Variants in SLC7A9 observed in about 807,000 individuals in gnomAD.
The protein encoded by SLC7A9 is B(0,+)-type amino acid transporter 1.
Under a neutral mutation model 54.1 loss-of-function variants are expected in SLC7A9, and 38 were observed. The ratio of observed to expected loss-of-function variants is 0.70; its 90% CI spans 0.54 to 0.92. SLC7A9 has a LOEUF of 0.92. SLC7A9 is among the 40% of genes least tolerant of loss of function. The pLI is 0.00. For missense variants in SLC7A9, 537 were observed against 636.1 expected, an observed-to-expected ratio of 0.84 and a Z score of 1.68; for synonymous variants, 264 against 258.9, an observed-to-expected ratio of 1.02 and a Z score of -0.19.
intron 4 of SLC7A9, among the ~76,000 whole-genome samples, chr19:32,863,278 CT>C: frequency 6.6e-6 from 1 of 151,752 alleles, no homozygotes; most frequent in African/African-American, 2.4e-5. Context: ...CACCACCCCC[CT>C]CCCCCGCCCT....
At chr19:32,863,678 C>T (rs912805326) in intron 4 of SLC7A9, among the ~76,000 whole-genome samples, 1 of 152,218 alleles carries the variant, frequency 6.6e-6, no homozygotes. Flanking sequence ...ACTCCCCCAC[C>T]AGCCACCATA....
intron 2 of SLC7A9, among the ~76,000 whole-genome samples, chr19:32,867,434 T>C (rs1052352257): frequency 6.6e-6 from 1 of 151,914 alleles, no homozygotes; most frequent in African/African-American, 2.4e-5. Context: ...GGAGGATTGC[T>C]TGAGTCCAGG....
At chr19:32,865,092 T>C (rs1273943336) in intron 2 of SLC7A9, among the ~76,000 whole-genome samples, 1 of 152,124 alleles carries the variant, frequency 6.6e-6, no homozygotes, top group South Asian at 2.1e-4. Context: ...GAAACCTGGC[T>C]CAGGTTCCAC....
intron 2 of SLC7A9, among the ~76,000 whole-genome samples, chr19:32,867,922 T>C (rs1969020250): frequency 1.9e-5 from 2 of 106,518 alleles, no homozygotes; most frequent in African/African-American, 7.5e-5. Context: ...AGAGCAAGAC[T>C]CTGTCTCAAA....
rs546138973 is a variant in SLC7A9 at position 32,868,293 on chromosome 19, C to CCAGA, written c.87+151_87+154dup. Among the ~76,000 whole-genome samples the CCAGA allele has an allele frequency of 2.2e-4, 34 of 151,516 alleles. No homozygotes were observed. In the East Asian group the frequency reaches 3.1e-3, roughly 14 times the overall value. On this transcript the variant is annotated intron_variant, in intron 2 of 12. Coordinates refer to ENST00000023064, the MANE Select transcript of SLC7A9 (RefSeq NM_014270.5). ...TGGCGAGAGGGAAAGAGAAGTAAGT[C>CCAGA]CAGAGATTATCCCTTTAAAGATGTA...
At chr19:32,841,273 C>T (rs1968119692) in intron 11 of SLC7A9, among the ~76,000 whole-genome samples, 1 of 152,086 alleles carries the variant, frequency 6.6e-6, no homozygotes, top group African/African-American at 2.4e-5. Context: ...AGCCCCTTAA[C>T]ATAACAACAA....
chr19:32,844,048 C>G (rs536550456), intron 9 of SLC7A9, 97 bp from the exon 10 acceptor site: 5 of 901,942 alleles, frequency 5.5e-6, no homozygotes, highest in Non-Finnish European at 9.1e-6. Flanking sequence ...AAGGAGCCCT[C>G]GGGAGGCTCA....
At chr19:32,859,183 T>C (rs1296141689) in intron 8 of SLC7A9, among the ~76,000 whole-genome samples, 1 of 152,086 alleles carries the variant, frequency 6.6e-6, no homozygotes, top group Non-Finnish European at 1.5e-5. Context: ...CACTGTAGCC[T>C]CAATCTCCTG....
At chr19:32,858,846 T>C (rs920711419) in intron 8 of SLC7A9, among the ~76,000 whole-genome samples, 11 of 151,818 alleles carry the variant, frequency 7.2e-5, no homozygotes, top group African/African-American at 2.7e-4. Flanking sequence ...TGGAGTGCAA[T>C]GTTGCTGTCT....
intron 1 of SLC7A9, among the ~76,000 whole-genome samples, chr19:32,869,293 T>G (rs1311669808): frequency 6.6e-6 from 1 of 152,134 alleles, no homozygotes; most frequent in African/African-American, 2.4e-5. Context: ...CAAGTCCAGG[T>G]AAGGAGTGTC....
chr19:32,854,956 A>G (rs1968575386), intron 9 of SLC7A9, among the ~76,000 whole-genome samples: 1 of 152,184 alleles, frequency 6.6e-6, no homozygotes. Context: ...CTCTGGGTAT[A>G]TATTTGAATG....
chr19:32,835,328 T>G (rs1967925646), intron 11 of SLC7A9, among the ~76,000 whole-genome samples: 1 of 151,928 alleles, frequency 6.6e-6, no homozygotes, highest in East Asian at 1.9e-4. Flanking sequence ...ATTTGAAAAA[T>G]CAATAAAATC....
intron 11 of SLC7A9, among the ~76,000 whole-genome samples, chr19:32,835,972 T>C (rs754984435): frequency 5.3e-5 from 8 of 152,052 alleles, no homozygotes; most frequent in Middle Eastern, 3.4e-3. Flanking sequence ...TGGAGTGCAG[T>C]GGCACAATCT....
chr19:32,839,206 C>G (rs994976868), intron 11 of SLC7A9, among the ~76,000 whole-genome samples: 2 of 152,062 alleles, frequency 1.3e-5, no homozygotes, highest in Non-Finnish European at 2.9e-5. Context: ...ATATATTCAC[C>G]TTTGCCAGTG....
chr19:32,845,068 G>T (rs1968246138), intron 9 of SLC7A9, among the ~76,000 whole-genome samples: 1 of 151,914 alleles, frequency 6.6e-6, no homozygotes, highest in African/African-American at 2.4e-5. Context: ...GGAGGCTGAG[G>T]CAGGAGAATC....
chr19:32,835,049 C>T (rs1967917984), intron 11 of SLC7A9, among the ~76,000 whole-genome samples: 1 of 152,208 alleles, frequency 6.6e-6, no homozygotes, highest in African/African-American at 2.4e-5. Context: ...CTTGGCCTCC[C>T]AGAGCGCTGG....
intron 1 of SLC7A9, among the ~76,000 whole-genome samples, chr19:32,869,447 A>G (rs1969073623): frequency 6.6e-6 from 1 of 152,096 alleles, no homozygotes; most frequent in Non-Finnish European, 1.5e-5. Context: ...GCTGGCCTCA[A>G]GCAGTCCTTC....
intron 7 of SLC7A9, 68 bp from the exon 8 acceptor site, chr19:32,860,032 C>T (rs1241538308): frequency 6.2e-7 from 1 of 1,612,986 alleles, no homozygotes; most frequent in Non-Finnish European, 8.5e-7. Context: ...GGACGCCCTC[C>T]CTGAGGCCCT....
At chr19:32,836,633 G>A (rs1038109180) in intron 11 of SLC7A9, among the ~76,000 whole-genome samples, 1 of 152,102 alleles carries the variant, frequency 6.6e-6, no homozygotes, top group African/African-American at 2.4e-5. Flanking sequence ...GATCTATCTT[G>A]CTATATTTTA....
Sources: allele counts gnomAD v4.1 joint callset (sites outside exome capture counted in the v4.1 genomes callset), GRCh38; gene constraint gnomAD v4.1.1; transcripts MANE v1.5; gene names NCBI Gene and HGNC (gene_info 2026-07-23, HGNC 2026-07-21).